The following F13A1 variants were observed in gnomAD, a reference collection of about 807,000 sequenced individuals.
The protein encoded by F13A1 is coagulation factor XIII A chain, also known as FSF, A subunit.
F13A1 carries 47 observed loss-of-function variants against 80.1 expected under a neutral mutation model. The observed-to-expected ratio is 0.59, with a 90% CI of 0.46 to 0.75. F13A1 has a LOEUF of 0.75. Ranked by LOEUF, F13A1 falls within the 30% of genes least tolerant of loss-of-function variation. The probability of loss-of-function intolerance (pLI) is 0.00; values close to 1 mark genes in which losing one functional copy is unlikely to be tolerated. For synonymous variants in F13A1, 349 were observed against 344.9 expected (o/e 1.01, Z -0.13); for missense variants, 817 against 930.4 (o/e 0.88, Z 1.59).
At chr6:6,258,768 A>T (rs1340346985) in intron 4 of F13A1, among the ~76,000 whole-genome samples, 1 of 152,204 alleles carries the variant, frequency 6.6e-6, no homozygotes, top group Non-Finnish European at 1.5e-5. Flanking sequence ...AAAGGTTAAA[A>T]TTTTTCCATA....
intron 8 of F13A1, among the ~76,000 whole-genome samples, chr6:6,207,945 T>C (rs1303931640): frequency 1.3e-5 from 2 of 152,200 alleles, no homozygotes; most frequent in Admixed American, 6.5e-5. Context: ...GGAAATCTGA[T>C]TTTAAGAATT....
At chr6:6,216,942 G>A (rs2113048023) in intron 8 of F13A1, among the ~76,000 whole-genome samples, 1 of 150,960 alleles carries the variant, frequency 6.6e-6, no homozygotes, top group East Asian at 1.9e-4. Flanking sequence ...CACCATCACT[G>A]GCCATCAGAG....
chr6:6,310,389 G>A (rs1229158512), intron 2 of F13A1, among the ~76,000 whole-genome samples: 5 of 152,198 alleles, frequency 3.3e-5, no homozygotes, highest in Admixed American at 2.0e-4. Flanking sequence ...TACTTATTGT[G>A]CAGCCTCAGA....
intron 2 of F13A1, among the ~76,000 whole-genome samples, chr6:6,307,351 T>C (rs902910868): frequency 6.6e-6 from 1 of 152,230 alleles, no homozygotes; most frequent in Non-Finnish European, 1.5e-5. Flanking sequence ...CTTTCCATTA[T>C]GCTGTGAGCT....
chr6:6,229,842 G>A (rs1309674283), intron 6 of F13A1, among the ~76,000 whole-genome samples: 1 of 152,236 alleles, frequency 6.6e-6, no homozygotes. Context: ...AGAAGCTGAA[G>A]GTCTGTTTGT....
intron 6 of F13A1, among the ~76,000 whole-genome samples, chr6:6,238,316 T>C (rs977154155): frequency 1.3e-5 from 2 of 152,018 alleles, no homozygotes; most frequent in African/African-American, 4.8e-5. Context: ...TTGGAAAAAA[T>C]AAGATTTGAT....
At chr6:6,224,105 C>T (rs961280375) in intron 7 of F13A1, among the ~76,000 whole-genome samples, 1 of 152,080 alleles carries the variant, frequency 6.6e-6, no homozygotes, top group Non-Finnish European at 1.5e-5. Context: ...GGATTAAAAA[C>T]CAGAGGGGAA....
At chr6:6,314,800 AT>A (rs1583128983) in intron 2 of F13A1, among the ~76,000 whole-genome samples, 1 of 152,316 alleles carries the variant, frequency 6.6e-6, no homozygotes, top group East Asian at 1.9e-4. Flanking sequence ...ACCAGTGTAT[AT>A]TTTTCCAGGA....
chr6:6,252,915 T>C (rs1757652670), intron 4 of F13A1, among the ~76,000 whole-genome samples: 1 of 151,890 alleles, frequency 6.6e-6, no homozygotes, highest in South Asian at 2.1e-4. Flanking sequence ...TCCCAGCACT[T>C]TGGGAGGCTG....
chr6:6,266,884 A>G (rs1757853128), intron 3 of F13A1, 75 bp from the exon 4 acceptor site: 1 of 1,586,618 alleles, frequency 6.3e-7, no homozygotes, highest in Non-Finnish European at 8.7e-7. Flanking sequence ...GTTATCTTAT[A>G]GCTGAAGGGA....
At chr6:6,227,169 GA>G (rs1194914107) in intron 6 of F13A1, among the ~76,000 whole-genome samples, 1 of 152,232 alleles carries the variant, frequency 6.6e-6, no homozygotes, top group Non-Finnish European at 1.5e-5. Flanking sequence ...AGCCTTCACT[GA>G]AATTTGAGAT....
chr6:6,312,103 G>A (rs1392326631), intron 2 of F13A1, among the ~76,000 whole-genome samples: 10 of 150,972 alleles, frequency 6.6e-5, no homozygotes, highest in Non-Finnish European at 1.5e-4. Context: ...CCATGAGTCA[G>A]CCACCCACAG....
At position 6,182,133 on chromosome 6, in the gene F13A1, G is replaced by C; in HGVS notation, c.1314C>G (p.Ser438Arg). Residue 438 changes from serine (S) to arginine (R), a missense_variant, in exon 11 of 15, where the codon AGC (serine) becomes AGG (arginine). Ser to Arg is a moderately radical substitution (Grantham distance 110, BLOSUM62 -1). Transcript: ENST00000264870. ...TCTTAGCTGTAATGTAAATGAGGTC[G>C]CTGTTGACCTGGAAACAGGAGAGGA... ...DAPFVFAEVNSDLIYITAKKD... is the reference protein window; with the variant it reads ...DAPFVFAEVNRDLIYITAKKD... 1 of 1,614,024 alleles carries C rather than the reference G, an allele frequency of 6.2e-7. No individual in the cohort carries two copies. The highest frequency in any genetic ancestry group is 1.1e-5 in the South Asian group (1 of 91,084).
intron 4 of F13A1, among the ~76,000 whole-genome samples, 191 bp from the exon 5 acceptor site, chr6:6,251,120 T>C (rs1757626384): frequency 1.3e-5 from 2 of 152,178 alleles, no homozygotes; most frequent in Admixed American, 1.3e-4. Flanking sequence ...CAGCACCAAA[T>C]TCAGTCTGTA....
At chr6:6,183,004 C>T (rs1233485424) in intron 10 of F13A1, among the ~76,000 whole-genome samples, 1 of 152,058 alleles carries the variant, frequency 6.6e-6, no homozygotes, top group Non-Finnish European at 1.5e-5. Flanking sequence ...GCTGTCTGCC[C>T]CCAAGCTCTC....
intron 3 of F13A1, among the ~76,000 whole-genome samples, chr6:6,273,873 GT>G (rs1561675445): frequency 6.6e-6 from 1 of 152,042 alleles, no homozygotes; most frequent in East Asian, 1.9e-4. Context: ...GAAATACCAG[GT>G]TACCAGCTAC....
chr6:6,308,461 T>TAAA lies in F13A1; in HGVS notation c.131-2925_131-2923dup, dbSNP rs35426137. Among the ~76,000 whole-genome samples, 1,007 of 143,764 alleles carry TAAA rather than the reference T, an allele frequency of 7.0e-3. 18 individuals are homozygous for TAAA. The highest frequency in any genetic ancestry group is 0.022 in the African/African-American group (852 of 39,300). 94.3% of individuals were successfully genotyped at this position (143,764 alleles called of 152,430 possible). On this transcript the variant is annotated intron_variant, in intron 2 of 14. Transcript: ENST00000264870. ...CATTACTCTAGTTGTGGTTTTTCTG[T>TAAA]AAAAAAAAAAAAAAGAGACCATTAC...
chr6:6,204,199 C>T (rs1761447823), intron 8 of F13A1, among the ~76,000 whole-genome samples: 1 of 152,156 alleles, frequency 6.6e-6, no homozygotes. Flanking sequence ...TTAAACAGTC[C>T]ACAGGGTCAT....
chr6:6,179,329 G>A (rs918932355), intron 11 of F13A1, among the ~76,000 whole-genome samples: 2 of 152,186 alleles, frequency 1.3e-5, no homozygotes, highest in Admixed American at 1.3e-4. Context: ...ATAAGCTTTA[G>A]TAAGTTGAAG....
Sources: allele counts gnomAD v4.1 joint callset (sites outside exome capture counted in the v4.1 genomes callset), GRCh38; gene constraint gnomAD v4.1.1; transcripts MANE v1.5; gene names NCBI Gene and HGNC (gene_info 2026-07-23, HGNC 2026-07-21).